Variants in FAM227A observed in about 807,000 individuals in gnomAD.
The protein encoded by FAM227A is protein FAM227A.
FAM227A carries 80 observed loss-of-function variants against 74.7 expected under a neutral mutation model. The ratio of observed to expected loss-of-function variants is 1.07; its 90% CI spans 0.89 to 1.29. The LOEUF is 1.29. Ranked by LOEUF, FAM227A falls within the 50% of genes most tolerant of loss-of-function variation. FAM227A has a pLI of 0.00. For synonymous variants in FAM227A, 237 were observed against 241.8 expected, an observed-to-expected ratio of 0.98 and a Z score of 0.19; for missense variants, 654 against 683.4, an observed-to-expected ratio of 0.96 and a Z score of 0.48.
At chr22:38,639,548 C>T in intron 4 of FAM227A, 107 bp downstream of exon 4, 1 of 1,086,430 alleles carries the variant, frequency 9.2e-7, no homozygotes, top group Non-Finnish European at 1.4e-6. Context: ...CAGAAGAAGA[C>T]AGAAACATCC....
intron 10 of FAM227A, among the ~76,000 whole-genome samples, chr22:38,620,638 C>T (rs564787233): frequency 6.6e-6 from 1 of 151,220 alleles, no homozygotes; most frequent in East Asian, 1.9e-4. Context: ...CCTGTCTCTA[C>T]TAAAAAAAAA....
intron 15 of FAM227A, 142 bp from the exon 16 acceptor site, chr22:38,591,682 C>T: frequency 1.7e-6 from 1 of 590,076 alleles, no homozygotes; most frequent in Non-Finnish European, 2.8e-6. Flanking sequence ...ACTAGGAGTG[C>T]ACAGATTCTA....
At chr22:38,587,155 CTA>C (rs758124902) in intron 16 of FAM227A, among the ~76,000 whole-genome samples, 112 of 152,262 alleles carry the variant, frequency 7.4e-4, no homozygotes, top group Non-Finnish European at 1.4e-3. Context: ...CCATAAATGC[CTA>C]TGTTTTAAAA....
chr22:38,638,666 T>C lies in FAM227A; in HGVS notation c.372+80A>G, dbSNP rs2092051802. The C allele has an allele frequency of 3.8e-6, 4 of 1,050,232 alleles. No homozygotes were observed. In the East Asian group the frequency reaches 1.0e-4, roughly 27 times the overall value. The allele number at this position is 1,050,232 out of a possible 1,614,324, so 65.1% of individuals were successfully genotyped here. On this transcript the variant is annotated intron_variant, in intron 5 of 16. Transcript: ENST00000535113. ...ATAATCACTACCCAGGCACCAAGTATTCTCCTCCCCAGGAATAAAATCTTT... is the reference window on the plus strand; with the variant it reads ...ATAATCACTACCCAGGCACCAAGTACTCTCCTCCCCAGGAATAAAATCTTT...
chr22:38,630,150 CTCT>C (rs1450450695), intron 6 of FAM227A, among the ~76,000 whole-genome samples: 4 of 151,636 alleles, frequency 2.6e-5, no homozygotes, highest in Non-Finnish European at 4.4e-5. Flanking sequence ...GGAAGCGTGC[CTCT>C]TCTTTACCCG....
rs954575273 is a variant in FAM227A at position 38,584,081 on chromosome 22, G to T, written c.*2044C>A. On this transcript the variant is annotated 3_prime_UTR_variant, in exon 17 of 17. Coordinates refer to ENST00000535113, the MANE Select transcript of FAM227A (RefSeq NM_001013647.2). Reference sequence around the variant, plus strand: ...AGTGAAATATCTTCTGTCCCAAAGGGCTGCTGGCACACTGGCTTCATCTGC... The same window carrying T: ...AGTGAAATATCTTCTGTCCCAAAGGTCTGCTGGCACACTGGCTTCATCTGC... 6.6e-6 allele frequency: 1 copy of T among 152,232 alleles called. No homozygotes were observed. Among genetic ancestry groups the T allele is most frequent in the African/African-American group, 2.4e-5 (1 of 41,426 alleles). 9.4% of individuals were successfully genotyped at this position (152,232 alleles called of 1,614,324 possible).
rs896332777 is a variant in FAM227A at position 38,648,382 on chromosome 22, C to T, written c.142+1645G>A. Among the ~76,000 whole-genome samples, 881 of 144,718 alleles carry T rather than the reference C, an allele frequency of 6.1e-3. 8 individuals carry two copies. The highest frequency in any genetic ancestry group is 0.017 in the Middle Eastern group (4 of 238). 94.9% of individuals were successfully genotyped at this position (144,718 alleles called of 152,430 possible). On this transcript the variant is annotated intron_variant, in intron 2 of 16. Transcript: ENST00000535113. ...AAGCACTTTGGGAGGCTGAGGCAGG[C>T]GGATCACCTGAGGTCAGGAGTTCGA...
At chr22:38,640,193 C>T (rs1469409400) in intron 3 of FAM227A, among the ~76,000 whole-genome samples, 1 of 151,998 alleles carries the variant, frequency 6.6e-6, no homozygotes, top group Non-Finnish European at 1.5e-5. Flanking sequence ...GCCACCACGC[C>T]CGGCTAATTT....
chr22:38,623,344 C>A lies in FAM227A; in HGVS notation c.851-65G>T, dbSNP rs2091732127. 5.5e-6 allele frequency: 6 copies of A among 1,090,602 alleles called. No individual in the cohort carries two copies. The South Asian group carries it at 8.3e-5, about 15-fold the overall frequency. The allele number at this position is 1,090,602 out of a possible 1,614,324, so 67.6% of individuals were successfully genotyped here. On this transcript the variant is annotated intron_variant, in intron 9 of 16. Coordinates refer to ENST00000535113, the MANE Select transcript of FAM227A (RefSeq NM_001013647.2). ...GTGGATCACGCCTGTAATCCCAGAA[C>A]TTTGAGAAGCCAAGGTGGGAGGATT...
chr22:38,599,691 C>G lies in FAM227A; in HGVS notation c.1379+73G>C, dbSNP rs2091129296. 16 of 1,430,254 alleles carry G rather than the reference C, an allele frequency of 1.1e-5. 1 individual carries two copies. The South Asian group carries it at 2.2e-4, about 19-fold the overall frequency. 88.6% of individuals were successfully genotyped at this position (1,430,254 alleles called of 1,614,324 possible). On this transcript the variant is annotated intron_variant, in intron 14 of 16. Coordinates refer to ENST00000535113, the MANE Select transcript of FAM227A (RefSeq NM_001013647.2). The stretch of plus-strand genomic sequence containing the variant: ...TGTGCTAAGGCCTGGGTGCCATTCC[C>G]TGACCTTTGCTTCTGGGAAGAGGAC...
intron 11 of FAM227A, among the ~76,000 whole-genome samples, chr22:38,611,938 A>T (rs62228952): frequency 2.6e-5 from 4 of 152,272 alleles, no homozygotes; most frequent in Middle Eastern, 3.4e-3. Flanking sequence ...TGTCCATCTC[A>T]GTAAATGGCA....
chr22:38,655,879 G>A (rs975558764), intron 1 of FAM227A, among the ~76,000 whole-genome samples: 1 of 152,150 alleles, frequency 6.6e-6, no homozygotes, highest in Non-Finnish European at 1.5e-5. Flanking sequence ...CTAGGCAGCC[G>A]GTAAACTCCT....
chr22:38,633,699 G>A (rs1186623415), intron 6 of FAM227A, among the ~76,000 whole-genome samples: 3 of 151,890 alleles, frequency 2.0e-5, no homozygotes, highest in South Asian at 2.1e-4. Flanking sequence ...GTGTCACCAC[G>A]CCTGGCTAAT....
chr22:38,591,468 G>A lies in FAM227A; in HGVS notation c.1605C>T (p.Ala535=), dbSNP rs1318931008. Residue 535 remains alanine (A), a synonymous_variant, in exon 16 of 17, where the codon GCC becomes GCT. Coordinates refer to ENST00000535113, the MANE Select transcript of FAM227A (RefSeq NM_001013647.2). Reference sequence around the variant, plus strand: ...TCTTGTCAGGTGATTCCTCATTGACGGCTGAAGGTGGGATGAACATGTGGT... The same window carrying A: ...TCTTGTCAGGTGATTCCTCATTGACAGCTGAAGGTGGGATGAACATGTGGT... ...KANHMFIPPS[A]VNEESPDKKT... 5.2e-6 allele frequency: 8 copies of A among 1,551,038 alleles called. No homozygotes were observed. Among genetic ancestry groups the A allele is most frequent in the East Asian group, 2.4e-5 (1 of 40,864 alleles).
intron 8 of FAM227A, among the ~76,000 whole-genome samples, chr22:38,626,891 A>AAAAAAAAAAATATATATATATAT (rs1555966996): frequency 1.7e-5 from 1 of 57,690 alleles, no homozygotes; most frequent in Non-Finnish European, 2.9e-5. Context: ...AAAAAAAAAA[A>AAAAAAAAAAATATATATATATAT]ATATATATAT....
chr22:38,654,924 T>A (rs566084618), intron 1 of FAM227A, among the ~76,000 whole-genome samples: 4 of 148,162 alleles, frequency 2.7e-5, no homozygotes, highest in African/African-American at 1.0e-4. Context: ...CACTCCAGCC[T>A]AGGCGACAGT....
chr22:38,650,725 G>C (rs1329097671), intron 1 of FAM227A, among the ~76,000 whole-genome samples: 3 of 152,126 alleles, frequency 2.0e-5, no homozygotes, highest in Non-Finnish European at 4.4e-5. Context: ...CGAGGCTCCT[G>C]ATCAACCTGA....
chr22:38,622,857 C>CA (rs2091719219), intron 10 of FAM227A, among the ~76,000 whole-genome samples: 1 of 108,726 alleles, frequency 9.2e-6, no homozygotes, highest in Non-Finnish European at 1.7e-5. Context: ...GCCTGGGTGA[C>CA]AGAGCAAGAC....
Position 38,597,512 on chromosome 22 carries a change from G to A in FAM227A, c.1380-156C>T, listed in dbSNP as rs116615796. 2,257 of 772,376 alleles carry A rather than the reference G, an allele frequency of 2.9e-3. 43 individuals are homozygous for A. The African/African-American group carries it at 0.035, about 12-fold the overall frequency. The allele number at this position is 772,376 out of a possible 1,614,324, so 47.8% of individuals were successfully genotyped here. A position where few individuals can be genotyped will look rare whatever the true frequency, so the allele number is the denominator to read the frequency against. ...GATAAGATACCTGAAATCTGAGCAA[G>A]AGATGACTCTCCTGCTCTTTGACCA... On this transcript the variant is annotated intron_variant, in intron 14 of 16. Transcript: ENST00000535113.
Sources: allele counts gnomAD v4.1 joint callset (sites outside exome capture counted in the v4.1 genomes callset), GRCh38; gene constraint gnomAD v4.1.1; transcripts MANE v1.5; gene names NCBI Gene and HGNC (gene_info 2026-07-23, HGNC 2026-07-21).